The following MGAT4C variants were observed in gnomAD, a reference collection of about 807,000 sequenced individuals.
MGAT4C encodes the protein MGAT4 family member C, also known as alpha-1,3-mannosyl-glycoprotein 4-beta-N-acetylglucosaminyltransferase C.
Under a neutral mutation model 40.1 loss-of-function variants are expected in MGAT4C, and 19 were observed. The observed-to-expected ratio is 0.47, with a 90% CI of 0.33 to 0.70. The LOEUF (loss-of-function observed/expected upper bound fraction) is 0.70, where lower values mean the gene tolerates loss of function less well. Among genes scored for constraint, MGAT4C ranks in the 30% least tolerant of loss-of-function variants. The pLI is 0.02. For synonymous variants in MGAT4C, 181 were observed against 187.1 expected (o/e 0.97, Z 0.27); for missense variants, 491 against 563.2 (o/e 0.87, Z 1.30).
intron 2 of MGAT4C, among the ~76,000 whole-genome samples, chr12:86,631,295 G>A (rs1963031653): frequency 6.6e-6 from 1 of 152,136 alleles, no homozygotes; most frequent in Admixed American, 6.5e-5. Flanking sequence ...CTCATGGATA[G>A]GAAGAATCAA....
chr12:86,726,278 A>G (rs962686058), intron 2 of MGAT4C, among the ~76,000 whole-genome samples: 15 of 152,222 alleles, frequency 9.9e-5, no homozygotes, highest in African/African-American at 3.4e-4. Flanking sequence ...TTTATTTCCT[A>G]CAAAAATGTT....
chr12:86,404,703 C>A (rs1169332083), intron 3 of MGAT4C, among the ~76,000 whole-genome samples: 4 of 151,820 alleles, frequency 2.6e-5, no homozygotes, highest in Non-Finnish European at 5.9e-5. Context: ...ACGAATACAC[C>A]CACATTTTAA....
chr12:86,214,829 C>T (rs1950605315), intron 1 of MGAT4C, among the ~76,000 whole-genome samples: 2 of 152,024 alleles, frequency 1.3e-5, no homozygotes, highest in South Asian at 4.1e-4. Flanking sequence ...TCTCATTGTC[C>T]ACAGCAATAC....
chr12:86,197,951 A>G (rs1196227780), intron 1 of MGAT4C, among the ~76,000 whole-genome samples: 1 of 152,146 alleles, frequency 6.6e-6, no homozygotes, highest in Non-Finnish European at 1.5e-5. Flanking sequence ...TTTATACTTG[A>G]CCAGAAATTA....
intron 3 of MGAT4C, among the ~76,000 whole-genome samples, chr12:86,394,580 T>A (rs956471511): frequency 1.4e-5 from 2 of 144,580 alleles, no homozygotes; most frequent in Non-Finnish European, 3.0e-5. Flanking sequence ...TTTATATATG[T>A]GTATAAAATA....
chr12:86,727,729 C>G (rs1012792323), intron 1 of MGAT4C, among the ~76,000 whole-genome samples: 1 of 151,870 alleles, frequency 6.6e-6, no homozygotes, highest in Non-Finnish European at 1.5e-5. Flanking sequence ...CAAGGGCTTA[C>G]AGAATACTTT....
intron 4 of MGAT4C, among the ~76,000 whole-genome samples, chr12:86,310,855 T>G (rs950328011): frequency 9.9e-5 from 15 of 151,564 alleles, no homozygotes; most frequent in Non-Finnish European, 2.1e-4. Context: ...ACCAGGGAGG[T>G]GGAGGTTGCA....
intron 2 of MGAT4C, among the ~76,000 whole-genome samples, chr12:86,692,994 G>A (rs963334156): frequency 5.9e-5 from 9 of 152,044 alleles, no homozygotes; most frequent in East Asian, 1.9e-4. Context: ...GTGGCCTGAC[G>A]GAGTGGTCCT....
chr12:86,501,804 T>C lies in MGAT4C; in HGVS notation c.-228-66539A>G, dbSNP rs540854982. On this transcript the variant is annotated intron_variant, in intron 2 of 7. Coordinates refer to the MGAT4C transcript ENST00000548651. ...ATTGTGAATAGTGCTGCAATGAACA[T>C]ACATGTGCATGTATCGTTATAACAG... 3.3e-4 allele frequency among the ~76,000 whole-genome samples: 50 copies of C among 152,242 alleles called. No individual in the cohort carries two copies. In the South Asian group the frequency reaches 9.3e-3, roughly 28 times the overall value.
intron 4 of MGAT4C, among the ~76,000 whole-genome samples, chr12:86,291,497 G>A (rs1322850320): frequency 6.6e-6 from 1 of 152,120 alleles, no homozygotes; most frequent in South Asian, 2.1e-4. Context: ...TTTTCACCAG[G>A]AAGTGGGTCC....
intron 2 of MGAT4C, among the ~76,000 whole-genome samples, chr12:86,484,355 A>C (rs1035881085): frequency 6.6e-6 from 1 of 152,210 alleles, no homozygotes. Context: ...AGGACTGGGT[A>C]CATCTGTTCT....
intron 1 of MGAT4C, among the ~76,000 whole-genome samples, chr12:86,777,565 G>A (rs1484985571): frequency 6.6e-6 from 1 of 152,184 alleles, no homozygotes; most frequent in African/African-American, 2.4e-5. Flanking sequence ...GAATCTTGTG[G>A]TTGGAAATGT....
At chr12:86,838,916 G>A (rs1953094788), upstream of MGAT4C, 1 of 152,180 alleles carries the variant, frequency 6.6e-6, no homozygotes, top group Non-Finnish European at 1.5e-5. Flanking sequence ...AATTGAAAAC[G>A]CTTGAGATAA....
At chr12:86,044,122 C>A (rs963833159) in intron 2 of MGAT4C, among the ~76,000 whole-genome samples, 3 of 152,074 alleles carry the variant, frequency 2.0e-5, no homozygotes, top group African/African-American at 2.4e-5. Flanking sequence ...GGATTTCTTT[C>A]TGGAAGATTT....
chr12:86,135,539 AG>A (rs540653060), intron 1 of MGAT4C, among the ~76,000 whole-genome samples: 8 of 152,076 alleles, frequency 5.3e-5, no homozygotes, highest in East Asian at 1.9e-4. Flanking sequence ...TAAAAAAGTA[AG>A]GGGGGGCAGA....
intron 3 of MGAT4C, among the ~76,000 whole-genome samples, chr12:86,408,565 T>C (rs867254606): frequency 1.4e-5 from 2 of 147,180 alleles, no homozygotes; most frequent in East Asian, 3.9e-4. Flanking sequence ...TTATATTTTT[T>C]AAATTTTATT....
intron 1 of MGAT4C, among the ~76,000 whole-genome samples, chr12:86,214,500 C>A (rs879405743): frequency 2.6e-4 from 39 of 152,278 alleles, no homozygotes; most frequent in Admixed American, 4.6e-4. Context: ...GGTGGCATAA[C>A]AATAAATGTT....
At chr12:86,659,458 C>T (rs1963928778) in intron 2 of MGAT4C, among the ~76,000 whole-genome samples, 1 of 152,054 alleles carries the variant, frequency 6.6e-6, no homozygotes, top group South Asian at 2.1e-4. Context: ...GGAGGACTAG[C>T]TTACTGCACT....
intron 1 of MGAT4C, among the ~76,000 whole-genome samples, chr12:86,131,860 G>T (rs1166217027): frequency 7.2e-5 from 11 of 151,958 alleles, no homozygotes; most frequent in African/African-American, 2.4e-4. Context: ...TATTATAGCA[G>T]CCATAATTAA....
Sources: allele counts gnomAD v4.1 joint callset (sites outside exome capture counted in the v4.1 genomes callset), GRCh38; gene constraint gnomAD v4.1.1; transcripts MANE v1.5; gene names NCBI Gene and HGNC (gene_info 2026-07-23, HGNC 2026-07-21).